The following CFAP299 variants were observed in gnomAD, a reference collection of about 807,000 sequenced individuals.
The protein encoded by CFAP299 is cilia and flagella associated protein 299, also known as cilia- and flagella-associated protein 299.
CFAP299 carries 21 observed loss-of-function variants against 27.0 expected under a neutral mutation model. The observed-to-expected ratio is 0.78, with a 90% CI of 0.55 to 1.12. CFAP299 has a LOEUF of 1.12. Ranked by LOEUF, CFAP299 falls within the 50% of genes most tolerant of loss-of-function variation. CFAP299 has a pLI of 0.00. For missense variants in CFAP299, 310 were observed against 276.6 expected, an observed-to-expected ratio of 1.12 and a Z score of -0.86; for synonymous variants, 104 against 98.1, an observed-to-expected ratio of 1.06 and a Z score of -0.36.
At chr4:80,859,608 G>T (rs150380009) in intron 3 of CFAP299, among the ~76,000 whole-genome samples, 1,779 of 151,866 alleles carry the variant, frequency 0.012, 35 homozygotes, top group African/African-American at 0.04. Flanking sequence ...CAGGCCTGGT[G>T]GTGACAAATC....
chr4:80,882,882 C>G (rs946690891), intron 4 of CFAP299, among the ~76,000 whole-genome samples: 4 of 152,070 alleles, frequency 2.6e-5, no homozygotes, highest in Non-Finnish European at 4.4e-5. Context: ...GAGCTCATTA[C>G]AAGACCTGCC....
At chr4:80,382,881 G>A (rs1030805263) in intron 2 of CFAP299, among the ~76,000 whole-genome samples, 3 of 152,072 alleles carry the variant, frequency 2.0e-5, no homozygotes, top group African/African-American at 7.2e-5. Context: ...ACTTGCACAT[G>A]TATGTTCACT....
chr4:80,745,762 C>T (rs974964641), intron 3 of CFAP299, among the ~76,000 whole-genome samples: 4 of 151,932 alleles, frequency 2.6e-5, no homozygotes, highest in Non-Finnish European at 4.4e-5. Context: ...GGATCCCATC[C>T]AGGATACATC....
intron 4 of CFAP299, chr4:80,871,987 C>A (rs1733123124): frequency 6.6e-6 from 1 of 150,582 alleles, no homozygotes; most frequent in African/African-American, 2.4e-5. Flanking sequence ...AACAGTCCCC[C>A]TCATTCTTTT....
intron 1 of CFAP299, among the ~76,000 whole-genome samples, chr4:80,349,653 A>G (rs932777857): frequency 1.5e-4 from 23 of 152,224 alleles, no homozygotes; most frequent in Admixed American, 5.2e-4. Flanking sequence ...GGAACTCATG[A>G]TATTAAATGT....
rs140188563 is a variant in CFAP299, at chr4:80,673,916, C to G, written c.333+90733C>G. On this transcript the variant is annotated intron_variant, in intron 3 of 5. Transcript: ENST00000358105. The stretch of plus-strand genomic sequence containing the variant: ...CCCTTTCTTTTTAGCTTATGTGTGT[C>G]TTTGCACATGGGATGGGTCTCCTGA... Among the ~76,000 whole-genome samples the G allele has an allele frequency of 5.0e-3, 689 of 137,986 alleles. 3 individuals carry two copies. Among genetic ancestry groups the G allele is most frequent in the African/African-American group, 0.018 (673 of 36,478 alleles). 90.5% of individuals were successfully genotyped at this position (137,986 alleles called of 152,430 possible).
rs116599526 is a variant in CFAP299 at position 80,800,956 on chromosome 4, A to T, written c.334-69037A>T. Among the ~76,000 whole-genome samples, 567 of 151,160 alleles carry T rather than the reference A, an allele frequency of 3.8e-3. 6 individuals are homozygous for T. The highest frequency in any genetic ancestry group is 0.013 in the African/African-American group (545 of 41,208). ...GGCAGCATCTGTTCACGGGAGAAAG[A>T]TGTAGATCAGTCTAGCCTTTTCATG... On this transcript the variant is annotated intron_variant, in intron 3 of 5. Coordinates refer to ENST00000358105, the MANE Select transcript of CFAP299 (RefSeq NM_152770.3).
At chr4:80,788,276 A>G (rs1727358391) in intron 3 of CFAP299, among the ~76,000 whole-genome samples, 1 of 151,980 alleles carries the variant, frequency 6.6e-6, no homozygotes, top group Admixed American at 6.6e-5. Context: ...ACAGTGTCTA[A>G]CTCTGCGTAA....
At chr4:80,523,257 A>T (rs950627128) in intron 2 of CFAP299, among the ~76,000 whole-genome samples, 1 of 152,074 alleles carries the variant, frequency 6.6e-6, no homozygotes, top group Non-Finnish European at 1.5e-5. Context: ...TGTAAATGGG[A>T]CTGTTTTCTT....
At chr4:80,778,665 A>G (rs1726691364) in intron 3 of CFAP299, among the ~76,000 whole-genome samples, 1 of 152,074 alleles carries the variant, frequency 6.6e-6, no homozygotes, top group African/African-American at 2.4e-5. Context: ...ATGCACTGCA[A>G]CATAGCCATT....
At chr4:80,331,237 T>C (rs747967026), upstream of CFAP299, among the ~76,000 whole-genome samples, 2 of 152,156 alleles carry the variant, frequency 1.3e-5, no homozygotes, top group South Asian at 4.1e-4. Flanking sequence ...GGCTGGAACA[T>C]GTAACGTGTG....
intron 2 of CFAP299, among the ~76,000 whole-genome samples, chr4:80,548,561 G>A (rs997181174): frequency 2.6e-5 from 4 of 152,090 alleles, no homozygotes; most frequent in Non-Finnish European, 5.9e-5. Context: ...TAAAACATGA[G>A]AGCTAGGCTT....
chr4:80,665,208 TA>T (rs1741087060), intron 3 of CFAP299, among the ~76,000 whole-genome samples: 1 of 152,348 alleles, frequency 6.6e-6, no homozygotes, highest in South Asian at 2.1e-4. Flanking sequence ...TGTTTTAATT[TA>T]TTTTCTGTAT....
At chr4:80,936,428 T>A (rs1736894387) in intron 4 of CFAP299, among the ~76,000 whole-genome samples, 1 of 152,088 alleles carries the variant, frequency 6.6e-6, no homozygotes, top group African/African-American at 2.4e-5. Flanking sequence ...ACGTAGTACA[T>A]ATACAACACA....
At chr4:80,665,090 G>T (rs1264676266) in intron 3 of CFAP299, among the ~76,000 whole-genome samples, 1 of 152,090 alleles carries the variant, frequency 6.6e-6, no homozygotes, top group African/African-American at 2.4e-5. Flanking sequence ...GAGATGAGCT[G>T]GGTACCTCAG....
chr4:80,585,408 A>G (rs750526862), intron 3 of CFAP299, among the ~76,000 whole-genome samples: 2 of 152,186 alleles, frequency 1.3e-5, no homozygotes, highest in Non-Finnish European at 2.9e-5. Context: ...CCATATTGCT[A>G]TCCCTCAAAT....
chr4:80,409,906 A>G (rs931493091), intron 2 of CFAP299, among the ~76,000 whole-genome samples: 9 of 152,170 alleles, frequency 5.9e-5, no homozygotes, highest in Admixed American at 2.0e-4. Context: ...TCTGTGCTTT[A>G]TTTGGCATTG....
chr4:80,686,051 A>G (rs946156353), intron 3 of CFAP299, among the ~76,000 whole-genome samples: 3 of 152,218 alleles, frequency 2.0e-5, no homozygotes, highest in Non-Finnish European at 4.4e-5. Context: ...CGATTTTCAC[A>G]GTTTAATTGA....
intron 3 of CFAP299, among the ~76,000 whole-genome samples, chr4:80,678,240 A>G (rs1250619115): frequency 6.6e-6 from 1 of 151,884 alleles, no homozygotes; most frequent in African/African-American, 2.4e-5. Flanking sequence ...TCAACCTTCA[A>G]GCTACTACTC....
Sources: allele counts gnomAD v4.1 joint callset (sites outside exome capture counted in the v4.1 genomes callset), GRCh38; gene constraint gnomAD v4.1.1; transcripts MANE v1.5; gene names NCBI Gene and HGNC (gene_info 2026-07-23, HGNC 2026-07-21).